FOXN3: variants seen among roughly 807,000 people sequenced by gnomAD.
The protein encoded by FOXN3 is forkhead box N3, also known as forkhead box protein N3.
A neutral mutation model predicts 38.4 loss-of-function variants in FOXN3; 7 were observed. The ratio of observed to expected loss-of-function variants is 0.18; its 90% CI spans 0.10 to 0.34. The LOEUF is 0.34. Ranked by LOEUF, FOXN3 falls within the 10% of genes least tolerant of loss-of-function variation. The probability of loss-of-function intolerance (pLI) is 1.00; values close to 1 mark genes in which losing one functional copy is unlikely to be tolerated. For synonymous variants in FOXN3, 230 were observed against 242.2 expected (o/e 0.95, Z 0.47); for missense variants, 456 against 613.4 (o/e 0.74, Z 2.71).
At chr14:89,243,030 G>A (rs1240141923) in intron 4 of FOXN3, among the ~76,000 whole-genome samples, 2 of 152,094 alleles carry the variant, frequency 1.3e-5, no homozygotes, top group African/African-American at 4.8e-5. Flanking sequence ...GATGGGAGAC[G>A]GAAGTGGAAT....
At chr14:89,297,875 C>T (rs573296271) in intron 3 of FOXN3, among the ~76,000 whole-genome samples, 1 of 152,262 alleles carries the variant, frequency 6.6e-6, no homozygotes, top group Admixed American at 6.5e-5. Flanking sequence ...GTCCCAGCTA[C>T]TTGGGAACCT....
chr14:89,586,486 G>C (rs977420409), intron 1 of FOXN3, among the ~76,000 whole-genome samples: 1 of 152,186 alleles, frequency 6.6e-6, no homozygotes, highest in African/African-American at 2.4e-5. Context: ...TGTGAGGTTC[G>C]TGAAGATGTC....
intron 3 of FOXN3, among the ~76,000 whole-genome samples, chr14:89,315,469 C>T (rs935255141): frequency 6.6e-6 from 1 of 152,194 alleles, no homozygotes; most frequent in East Asian, 1.9e-4. Flanking sequence ...GCAAACCCAA[C>T]TAACGAATCT....
chr14:89,471,520 G>GC (rs1893094735), intron 1 of FOXN3, among the ~76,000 whole-genome samples: 1 of 152,006 alleles, frequency 6.6e-6, no homozygotes, highest in African/African-American at 2.4e-5. Flanking sequence ...GGAGGCTGAG[G>GC]TTGCAGTGAG....
chr14:89,595,950 T>C (rs1157496980), intron 1 of FOXN3, among the ~76,000 whole-genome samples: 5 of 152,206 alleles, frequency 3.3e-5, no homozygotes, highest in South Asian at 2.1e-4. Context: ...TCTACATCTA[T>C]TGAGATGATC....
intron 4 of FOXN3, among the ~76,000 whole-genome samples, chr14:89,235,781 G>A (rs1277958782): frequency 6.8e-6 from 1 of 146,594 alleles, no homozygotes; most frequent in Admixed American, 6.6e-5. Flanking sequence ...GATGGAGGAT[G>A]GGGCCACAAG....
chr14:89,516,883 A>G (rs1293377232), intron 1 of FOXN3, among the ~76,000 whole-genome samples: 1 of 152,080 alleles, frequency 6.6e-6, no homozygotes, highest in East Asian at 1.9e-4. Context: ...TTAAAAGCGG[A>G]CATTCCATGG....
intron 4 of FOXN3, among the ~76,000 whole-genome samples, chr14:89,183,000 A>G (rs1272437613): frequency 6.6e-6 from 1 of 152,252 alleles, no homozygotes; most frequent in Non-Finnish European, 1.5e-5. Flanking sequence ...TAAAACGATA[A>G]AACTTCCAGA....
At chr14:89,386,880 C>T (rs761571355) in intron 2 of FOXN3, among the ~76,000 whole-genome samples, 3 of 152,104 alleles carry the variant, frequency 2.0e-5, no homozygotes, top group Non-Finnish European at 4.4e-5. Context: ...TCTTATAAGG[C>T]CACCAATCCA....
At chr14:89,234,616 CCTCTCTCTCTCT>C (rs34492323) in intron 4 of FOXN3, among the ~76,000 whole-genome samples, 3 of 148,412 alleles carry the variant, frequency 2.0e-5, no homozygotes, top group South Asian at 4.3e-4. Context: ...TATGTGGCAT[CCTCTCTCTCTCT>C]CTCTCTCTCT....
chr14:89,467,268 G>A (rs1892989027), intron 1 of FOXN3, among the ~76,000 whole-genome samples: 1 of 152,144 alleles, frequency 6.6e-6, no homozygotes, highest in Admixed American at 6.5e-5. Context: ...TGTTCCCGGG[G>A]TGCGTGTCGC....
At chr14:89,261,352 C>T (rs1323623468) in intron 4 of FOXN3, among the ~76,000 whole-genome samples, 1 of 152,184 alleles carries the variant, frequency 6.6e-6, no homozygotes, top group East Asian at 1.9e-4. Flanking sequence ...ACACGTGCTG[C>T]TAGCAAGCAG....
At chr14:89,288,285 C>G (rs1886699080) in intron 3 of FOXN3, among the ~76,000 whole-genome samples, 1 of 152,004 alleles carries the variant, frequency 6.6e-6, no homozygotes, top group Admixed American at 6.6e-5. Context: ...GAGGGCAATG[C>G]ACCAATCAAG....
intron 2 of FOXN3, among the ~76,000 whole-genome samples, chr14:89,390,677 G>A (rs1890920533): frequency 6.6e-6 from 1 of 151,964 alleles, no homozygotes. Context: ...AATGGCCCAA[G>A]GAAGCTCCAA....
chr14:89,595,502 G>A (rs1217117523), intron 1 of FOXN3, among the ~76,000 whole-genome samples: 3 of 152,000 alleles, frequency 2.0e-5, no homozygotes, highest in Non-Finnish European at 2.9e-5. Flanking sequence ...CTGATTATTA[G>A]TGATAAAGAG....
At chr14:89,304,838 C>T (rs1345979240) in intron 3 of FOXN3, among the ~76,000 whole-genome samples, 1 of 151,000 alleles carries the variant, frequency 6.6e-6, no homozygotes, top group Non-Finnish European at 1.5e-5. Flanking sequence ...CCTGGTGGAG[C>T]GGGGGACCCT....
At chr14:89,432,776 G>C (rs1892188126) in intron 1 of FOXN3, among the ~76,000 whole-genome samples, 1 of 152,172 alleles carries the variant, frequency 6.6e-6, no homozygotes, top group Non-Finnish European at 1.5e-5. Context: ...GGGTTTTTGG[G>C]AGGGAGTTTT....
intron 2 of FOXN3, among the ~76,000 whole-genome samples, chr14:89,384,603 T>G (rs1890742987): frequency 6.6e-6 from 1 of 152,156 alleles, no homozygotes; most frequent in African/African-American, 2.4e-5. Context: ...GCCCCACACC[T>G]ACCACAATAC....
At chr14:89,295,331 T>G (rs2139939127) in intron 3 of FOXN3, among the ~76,000 whole-genome samples, 1 of 152,352 alleles carries the variant, frequency 6.6e-6, no homozygotes, top group Non-Finnish European at 1.5e-5. Context: ...GTGCAGCTCA[T>G]CTGGGAATTA....
Sources: gnomAD v4.1 joint callset for allele counts (sites outside exome capture counted in the v4.1 genomes callset) on GRCh38, gnomAD v4.1.1 for gene constraint, MANE v1.5 for transcripts, NCBI Gene and HGNC (gene_info 2026-07-23, HGNC 2026-07-21) for gene names.